CHD3: variants seen among roughly 807,000 people sequenced by gnomAD.
The protein encoded by CHD3 is ATP-dependent chromatin remodeler CHD3.
CHD3 carries 52 observed loss-of-function variants against 248.9 expected under a neutral mutation model. The ratio of observed to expected loss-of-function variants is 0.21; its 90% CI spans 0.17 to 0.26. The LOEUF (loss-of-function observed/expected upper bound fraction) is 0.26, where lower values mean the gene tolerates loss of function less well. Ranked by LOEUF, CHD3 falls within the 10% of genes least tolerant of loss-of-function variation. The pLI, the probability that CHD3 is intolerant of heterozygous loss-of-function variation, is 1.00. For missense variants in CHD3, 1,482 were observed against 2,605.8 expected, an observed-to-expected ratio of 0.57 and a Z score of 9.39; for synonymous variants, 985 against 985.2, an observed-to-expected ratio of 1.00 and a Z score of 0.00.
chr17:7,890,863 G>A lies in CHD3; in HGVS notation c.385-77G>A, dbSNP rs535989779. Reference sequence around the variant, plus strand: ...CAAGAAAGCCCAGGGAAGCTAGTGGGTAGGTAGACAGGCCTGTGTGCGGCC... The same window carrying A: ...CAAGAAAGCCCAGGGAAGCTAGTGGATAGGTAGACAGGCCTGTGTGCGGCC... On this transcript the variant is annotated intron_variant, in intron 3 of 39. Coordinates refer to ENST00000330494, the MANE Select transcript of CHD3 (RefSeq NM_001005273.3). The A allele has an allele frequency of 2.5e-6, 4 of 1,599,184 alleles. No individual in the cohort carries two copies. The South Asian group carries it at 3.3e-5, about 13-fold the overall frequency.
chr17:7,885,726 C>T (rs1967814136), upstream of CHD3, among the ~76,000 whole-genome samples: 1 of 152,184 alleles, frequency 6.6e-6, no homozygotes, highest in Admixed American at 6.5e-5. Context: ...CCCCTCCACC[C>T]GCGGAGACTT....
Position 7,908,591 on chromosome 17 carries a change from C to G in CHD3, c.5261+81C>G. The G allele has an allele frequency of 5.0e-6, 8 of 1,584,176 alleles. No individual in the cohort carries two copies. The highest frequency in any genetic ancestry group is 6.9e-6 in the Non-Finnish European group (8 of 1,154,780). On this transcript the variant is annotated intron_variant, in intron 35 of 39. Transcript: ENST00000330494. The surrounding 1 kb of genome is among the most constrained non-coding windows in gnomAD (Gnocchi z 5.8). ...AAAAAGATGATTTCACACCCAGGGACAGGGCTAGTGCCACACTTTGGGGAG... is the reference window on the plus strand; with the variant it reads ...AAAAAGATGATTTCACACCCAGGGAGAGGGCTAGTGCCACACTTTGGGGAG...
In CHD3 at chr17:7,907,560, G is replaced by A; in HGVS notation, c.4925-41G>A. The stretch of plus-strand genomic sequence containing the variant: ...TCCCTCTTCTGGGGTCAGGGGATGA[G>A]GGTAACATCCTCCCTTCCTATCCCC... On this transcript the variant is annotated intron_variant, in intron 32 of 39. Coordinates refer to ENST00000330494, the MANE Select transcript of CHD3 (RefSeq NM_001005273.3). This position sits in a 1 kb window ranked among gnomAD's most constrained non-coding sequence, Gnocchi z 4.3. 2 of 1,523,864 alleles carry A rather than the reference G, an allele frequency of 1.3e-6. No homozygotes were observed. Among genetic ancestry groups the A allele is most frequent in the Non-Finnish European group, 1.8e-6 (2 of 1,136,598 alleles). The allele number at this position is 1,523,864 out of a possible 1,614,324, so 94.4% of individuals were successfully genotyped here. A position where few individuals can be genotyped will look rare whatever the true frequency, so the allele number is the denominator to read the frequency against.
rs1169497733 is a variant in CHD3 at position 7,904,683 on chromosome 17, C to G, written c.4072+64C>G. On this transcript the variant is annotated intron_variant, in intron 25 of 39. Coordinates refer to ENST00000330494, the MANE Select transcript of CHD3 (RefSeq NM_001005273.3). The surrounding 1 kb of genome is among the most constrained non-coding windows in gnomAD (Gnocchi z 4.4). ...GTGATGATGAGTAGGGACTTGAAGG[C>G]TGGAGCTATTTAGAGGGAAAGAGAG... The G allele has an allele frequency of 3.4e-5, 49 of 1,443,716 alleles. No homozygotes were observed. The highest frequency in any genetic ancestry group is 4.5e-5 in the Non-Finnish European group (47 of 1,049,876). 89.4% of individuals were successfully genotyped at this position (1,443,716 alleles called of 1,614,324 possible).
rs201048464 is a variant in CHD3 at position 7,893,872 on chromosome 17, G to T, written c.861G>T (p.Lys287Asn). Reference sequence around the variant, plus strand: ...ATGGACGCAAGAAGCTTCGGGGAAAGAAAATGGCACCACTCAAAATAAAAC... The same window carrying T: ...ATGGACGCAAGAAGCTTCGGGGAAATAAAATGGCACCACTCAAAATAAAAC... Reference protein sequence around the residue: ...VPDGRKKLRGKKMAPLKIKLG... With the variant: ...VPDGRKKLRGNKMAPLKIKLG... The change falls in exon 6 of 40, where the codon AAG becomes AAT. Residue 287 changes from lysine (K) to asparagine (N), a missense_variant. Around this residue, in one of 20 missense-constraint regions of CHD3, gnomAD observed 149 missense variants for 182.6 expected, o/e 0.82. Transcript: ENST00000330494. The T allele has an allele frequency of 9.0e-5, 145 of 1,611,816 alleles. No homozygotes were observed. The East Asian group carries it at 3.2e-3, about 35-fold the overall frequency.
intron 10 of CHD3, among the ~76,000 whole-genome samples, chr17:7,896,257 C>G (rs1349537211): frequency 6.7e-6 from 1 of 148,340 alleles, no homozygotes; most frequent in Admixed American, 6.7e-5. Context: ...AAAAAATTCT[C>G]AATGTTTCTA....
rs1162060320 is a variant in CHD3 at position 7,910,980 on chromosome 17, T to C, written c.5881+7T>C. The C allele has an allele frequency of 1.2e-6, 2 of 1,612,006 alleles. No individual in the cohort carries two copies. Among genetic ancestry groups the C allele is most frequent in the Non-Finnish European group, 1.7e-6 (2 of 1,179,372 alleles). On this transcript the variant is annotated splice_region_variant and intron_variant, in intron 39 of 39. Transcript: ENST00000330494. The surrounding 1 kb of genome is among the most constrained non-coding windows in gnomAD (Gnocchi z 4.7). ...GCAGGGTCCTTCATCACAGGTCAGC[T>C]GGTGTTTTCCTACCCCCTGCTACTC...
chr17:7,897,202 GA>G lies in CHD3; in HGVS notation c.1830del (p.Asp611ThrfsTer21). ...DDGKSDKRKV[K>X]DPHYAEMEEK... ...ATGGGAAGAGCGACAAGCGTAAAGT[GA>G]AAGACCCGCACTATGCTGAGATGGA... On this transcript the variant is annotated frameshift_variant, in exon 11 of 40. Transcript: ENST00000330494. LOFTEE classifies it high-confidence loss of function. The surrounding 1 kb of genome is among the most constrained non-coding windows in gnomAD (Gnocchi z 4.8). The G allele has an allele frequency of 1.2e-6, 2 of 1,614,200 alleles. No individual in the cohort carries two copies. The highest frequency in any genetic ancestry group is 1.7e-6 in the Non-Finnish European group (2 of 1,180,046).
Position 7,897,457 on chromosome 17 carries a change from G to A in CHD3, c.1919+163G>A, listed in dbSNP as rs571695525. ...CTGGCCTTGTTTCCTCCAGGGGAAC[G>A]GGAGAAAACAGGAGGAAAATCCGGC... On this transcript the variant is annotated intron_variant, in intron 11 of 39. Transcript: ENST00000330494. This position sits in a 1 kb window ranked among gnomAD's most constrained non-coding sequence, Gnocchi z 4.8. Among the ~76,000 whole-genome samples, 163 of 152,304 alleles carry A rather than the reference G, an allele frequency of 1.1e-3. No homozygotes were observed. The highest frequency in any genetic ancestry group is 3.6e-3 in the African/African-American group (148 of 41,540).
Position 7,893,898 on chromosome 17 carries a change from T to A in CHD3, c.887T>A (p.Leu296Gln). 6.2e-7 allele frequency: 1 copy of A among 1,600,754 alleles called. No individual in the cohort carries two copies. Among genetic ancestry groups the A allele is most frequent in the Non-Finnish European group, 8.5e-7 (1 of 1,171,954 alleles). Residue 296 changes from leucine to glutamine, a missense_variant, in exon 6 of 40, where the codon CTA becomes CAA. By Grantham distance (113) the Leu-to-Gln change is moderately radical. Around this residue, in one of 20 missense-constraint regions of CHD3, gnomAD observed 149 missense variants for 182.6 expected, o/e 0.82. Transcript: ENST00000330494. The stretch of plus-strand genomic sequence containing the variant: ...AAAATGGCACCACTCAAAATAAAAC[T>A]AGGGCTTCTGGGTGGCAAGAGGAAG... ...GKKMAPLKIK[L>Q]GLLGGKRKKG... is the part of the protein sequence containing the mutation.
chr17:7,910,933 C>A lies in CHD3; in HGVS notation c.5841C>A (p.Gly1947=), dbSNP rs1389459078. ...CCGTAGGGGCCCTGGCCGCCGCAGG[C>A]GCCAATTACAGCCAGATGCCTGCAG... ...AAPVGALAAA[G]ANYSQMPAGS... The change falls in exon 39 of 40, where the codon GGC becomes GGA. Residue 1947 remains glycine, a synonymous_variant. Coordinates refer to ENST00000330494, the MANE Select transcript of CHD3 (RefSeq NM_001005273.3). This position sits in a 1 kb window ranked among gnomAD's most constrained non-coding sequence, Gnocchi z 4.7. 1.1e-5 allele frequency: 17 copies of A among 1,613,532 alleles called. No homozygotes were observed. Among genetic ancestry groups the A allele is most frequent in the Non-Finnish European group, 1.4e-5 (17 of 1,179,856 alleles).
chr17:7,900,197 A>G lies in CHD3; in HGVS notation c.2683-93A>G. 2 of 1,543,844 alleles carry G rather than the reference A, an allele frequency of 1.3e-6. No individual in the cohort carries two copies. The highest frequency in any genetic ancestry group is 2.3e-5 in the East Asian group (1 of 43,142). ...TTTGGGGCCTCTGATCCTGAGTGAA[A>G]TGGGAGCTGGGGCAGGGAAAGGCTG... On this transcript the variant is annotated intron_variant, in intron 16 of 39. Transcript: ENST00000330494. This position sits in a 1 kb window ranked among gnomAD's most constrained non-coding sequence, Gnocchi z 6.5.
At position 7,907,916 on chromosome 17, in the gene CHD3, G is replaced by A. The variant is rs760265800; in HGVS notation, c.5049G>A (p.Glu1683=). The change falls in exon 34 of 40, where the codon GAG becomes GAA. Residue 1683 remains glutamate, a synonymous_variant. Transcript: ENST00000330494. This position sits in a 1 kb window ranked among gnomAD's most constrained non-coding sequence, Gnocchi z 4.3. ...GKREDVKGDR[E]LRPGPRDEPR... is the part of the protein sequence containing the mutation. The stretch of plus-strand genomic sequence containing the variant: ...CAGAAGATGTAAAAGGTGACCGGGA[G>A]CTTCGACCAGGGCCTCGAGATGAGC... 6.2e-7 allele frequency: 1 copy of A among 1,612,574 alleles called. No homozygotes were observed. Among genetic ancestry groups the A allele is most frequent in the Non-Finnish European group, 8.5e-7 (1 of 1,178,934 alleles).
Position 7,903,290 on chromosome 17 carries a change from C to A in CHD3, c.3514C>A (p.Arg1172=). Residue 1172 remains arginine, a synonymous_variant, in exon 23 of 40, where the codon CGG becomes AGG. Transcript: ENST00000330494. The surrounding 1 kb of genome is among the most constrained non-coding windows in gnomAD (Gnocchi z 6.8). Reference sequence around the variant, plus strand: ...CCTGCAGGCCTTTAGCCGGGCTCATCGGATTGGCCAGGCCAACAAAGTGAT... The same window carrying A: ...CCTGCAGGCCTTTAGCCGGGCTCATAGGATTGGCCAGGCCAACAAAGTGAT... ...NDIQAFSRAH[R]IGQANKVMIY... 6.2e-7 allele frequency: 1 copy of A among 1,614,010 alleles called. No homozygotes were observed. Among genetic ancestry groups the A allele is most frequent in the Non-Finnish European group, 8.5e-7 (1 of 1,180,034 alleles).
upstream of CHD3, among the ~76,000 whole-genome samples, chr17:7,888,580 A>G (rs754131838): frequency 6.6e-6 from 1 of 152,130 alleles, no homozygotes; most frequent in Admixed American, 6.5e-5. Flanking sequence ...CCAAGCCTTC[A>G]CAGAGTGACA....
rs1392580196 is a variant in CHD3 at position 7,898,531 on chromosome 17, G to T, written c.2087G>T (p.Arg696Leu). 6.2e-7 allele frequency: 1 copy of T among 1,613,882 alleles called. No homozygotes were observed. Among genetic ancestry groups the T allele is most frequent in the Non-Finnish European group, 8.5e-7 (1 of 1,179,956 alleles). The change falls in exon 13 of 40, where the codon CGC becomes CTC. Residue 696 changes from arginine (R) to leucine (L), a missense_variant. Coordinates refer to ENST00000330494, the MANE Select transcript of CHD3 (RefSeq NM_001005273.3). Reference sequence around the variant, plus strand: ...ATGGGGGAAGACCCTGCCCAGCCCCGCAAGTATAAGAAGAAGAAGAAGGAG... The same window carrying T: ...ATGGGGGAAGACCCTGCCCAGCCCCTCAAGTATAAGAAGAAGAAGAAGGAG... The part of the protein sequence containing the change: ...LIMGEDPAQP[R>L]KYKKKKKELQ...
rs1438169388 is a variant in CHD3, at chr17:7,911,335, C to G, written c.5882-129C>G. The G allele has an allele frequency of 7.0e-7, 1 of 1,430,472 alleles. No homozygotes were observed. Among genetic ancestry groups the G allele is most frequent in the Non-Finnish European group, 9.7e-7 (1 of 1,027,216 alleles). The allele number at this position is 1,430,472 out of a possible 1,614,324, so 88.6% of individuals were successfully genotyped here. A position where few individuals can be genotyped will look rare whatever the true frequency, so the allele number is the denominator to read the frequency against. On this transcript the variant is annotated intron_variant, in intron 39 of 39. Coordinates refer to ENST00000330494, the MANE Select transcript of CHD3 (RefSeq NM_001005273.3). The surrounding 1 kb of genome is among the most constrained non-coding windows in gnomAD (Gnocchi z 5.4). ...CTCAGGGAAAGGGGTTTGCCCGGGT[C>G]TTCCCTCCCTCACGTGGGACAACGG...
chr17:7,905,832 T>C lies in CHD3; in HGVS notation c.4225-24T>C. On this transcript the variant is annotated intron_variant, in intron 27 of 39. Transcript: ENST00000330494. The surrounding 1 kb of genome is among the most constrained non-coding windows in gnomAD (Gnocchi z 5.8). ...TAAGAACCCTAGACATTTGTCGCCA[T>C]TGCCTCCTTGCTCCCACCCTCAGGT... 4 of 1,614,056 alleles carry C rather than the reference T, an allele frequency of 2.5e-6. No homozygotes were observed. Among genetic ancestry groups the C allele is most frequent in the Non-Finnish European group, 3.4e-6 (4 of 1,180,002 alleles).
At chr17:7,891,690 G>C (rs1455680673) in intron 4 of CHD3, among the ~76,000 whole-genome samples, 1 of 151,960 alleles carries the variant, frequency 6.6e-6, no homozygotes, top group Non-Finnish European at 1.5e-5. Flanking sequence ...GTGAAACCCC[G>C]TCTCTACTAA....
Sources: gnomAD v4.1 joint callset for allele counts (sites outside exome capture counted in the v4.1 genomes callset) on GRCh38, gnomAD v4.1.1 for gene constraint, gnomAD v4.1.1 regional missense constraint, Gnocchi (gnomAD v3.1) non-coding constraint, MANE v1.5 for transcripts, NCBI Gene and HGNC (gene_info 2026-07-23, HGNC 2026-07-21) for gene names.